Variants in ZNF385D observed in about 807,000 individuals in gnomAD.
ZNF385D encodes zinc finger protein 385D, also known as zinc finger protein 659.
In ZNF385D, 15 loss-of-function variants were observed where a neutral mutation model predicts 35.8. That is an observed-to-expected ratio of 0.42 (90% CI 0.28 to 0.64). ZNF385D has a LOEUF of 0.64. Among genes scored for constraint, ZNF385D ranks in the 30% least tolerant of loss-of-function variants. ZNF385D has a pLI of 0.23. For synonymous variants in ZNF385D, 212 were observed against 186.8 expected, an observed-to-expected ratio of 1.13 and a Z score of -1.10; for missense variants, 474 against 494.6, an observed-to-expected ratio of 0.96 and a Z score of 0.39.
chr3:22,274,477 G>A (rs1303661415), intron 2 of ZNF385D, among the ~76,000 whole-genome samples: 1 of 151,864 alleles, frequency 6.6e-6, no homozygotes, highest in African/African-American at 2.4e-5. Context: ...TAGGCTCTGA[G>A]GAAGCATGGA....
intron 3 of ZNF385D, among the ~76,000 whole-genome samples, chr3:21,994,652 A>G (rs868499126): frequency 2.0e-5 from 3 of 152,184 alleles, no homozygotes; most frequent in African/African-American, 7.2e-5. Flanking sequence ...CATATCTGAT[A>G]TAAGTCACTT....
intron 3 of ZNF385D, among the ~76,000 whole-genome samples, chr3:21,866,825 T>C (rs1351854094): frequency 6.6e-6 from 1 of 152,160 alleles, no homozygotes; most frequent in African/African-American, 2.4e-5. Context: ...AATCATCAGG[T>C]AGTGATTAAA....
At chr3:21,962,708 AT>A (rs1434634969) in intron 3 of ZNF385D, among the ~76,000 whole-genome samples, 2 of 152,042 alleles carry the variant, frequency 1.3e-5, no homozygotes, top group Non-Finnish European at 2.9e-5. Flanking sequence ...GTGGAAAGGT[AT>A]TTTTTTGGAA....
intron 3 of ZNF385D, among the ~76,000 whole-genome samples, chr3:22,056,921 C>G (rs1576235811): frequency 6.6e-6 from 1 of 152,192 alleles, no homozygotes; most frequent in Non-Finnish European, 1.5e-5. Context: ...ATCATAAAGT[C>G]TCTAATCACA....
rs566343930 is a variant in ZNF385D, at chr3:22,032,319, C to G, written c.325+136498G>C. 5.3e-5 allele frequency among the ~76,000 whole-genome samples: 8 copies of G among 152,168 alleles called. No homozygotes were observed. In the South Asian group the frequency reaches 1.7e-3, roughly 32 times the overall value. ...GGAAACTTGCAATTGTGGTGGAAGGCAAAGGAAAAGCAAGTACTTCTTGAC... is the reference window on the plus strand; with the variant it reads ...GGAAACTTGCAATTGTGGTGGAAGGGAAAGGAAAAGCAAGTACTTCTTGAC... On this transcript the variant is annotated intron_variant, in intron 3 of 5. Transcript: ENST00000494108.
chr3:21,526,850 C>G (rs944443525), intron 3 of ZNF385D, among the ~76,000 whole-genome samples: 1 of 152,206 alleles, frequency 6.6e-6, no homozygotes, highest in Non-Finnish European at 1.5e-5. Flanking sequence ...CTTCACCCAT[C>G]TGACGCGATC....
chr3:21,886,922 G>T (rs1698577240), intron 3 of ZNF385D, among the ~76,000 whole-genome samples: 1 of 152,030 alleles, frequency 6.6e-6, no homozygotes, highest in Admixed American at 6.6e-5. Flanking sequence ...ATTCATATGG[G>T]TCGGCCAAAT....
intron 2 of ZNF385D, among the ~76,000 whole-genome samples, chr3:22,336,244 T>C (rs566350904): frequency 1.3e-5 from 2 of 152,300 alleles, no homozygotes; most frequent in South Asian, 4.1e-4. Context: ...TCCATTATGA[T>C]ATAATGTTAA....
At chr3:22,264,044 A>G (rs915812247) in intron 2 of ZNF385D, among the ~76,000 whole-genome samples, 3 of 152,032 alleles carry the variant, frequency 2.0e-5, no homozygotes, top group Non-Finnish European at 4.4e-5. Flanking sequence ...GAATATAAAT[A>G]TATAAAACCC....
At chr3:21,906,799 G>T (rs1699706288) in intron 3 of ZNF385D, among the ~76,000 whole-genome samples, 1 of 152,182 alleles carries the variant, frequency 6.6e-6, no homozygotes, top group African/African-American at 2.4e-5. Flanking sequence ...GGTATGACCA[G>T]GTGAGATAAC....
chr3:22,299,993 G>C (rs868734092), intron 2 of ZNF385D, among the ~76,000 whole-genome samples: 4 of 151,720 alleles, frequency 2.6e-5, no homozygotes, highest in Non-Finnish European at 4.4e-5. Context: ...AGACCCCAAA[G>C]AGCCAAAGCA....
intron 3 of ZNF385D, among the ~76,000 whole-genome samples, chr3:21,970,366 T>G (rs934311129): frequency 6.6e-6 from 1 of 151,144 alleles, no homozygotes; most frequent in Non-Finnish European, 1.5e-5. Context: ...AAAAATAGAT[T>G]AAAATAATTT....
chr3:22,165,822 G>A (rs768375177), intron 3 of ZNF385D, among the ~76,000 whole-genome samples: 5 of 152,022 alleles, frequency 3.3e-5, no homozygotes, highest in East Asian at 1.9e-4. Context: ...CACAGGCCAG[G>A]GTCCTTAGAA....
intron 3 of ZNF385D, among the ~76,000 whole-genome samples, chr3:21,821,752 G>A (rs1331289347): frequency 1.3e-5 from 2 of 152,044 alleles, no homozygotes; most frequent in Admixed American, 6.5e-5. Context: ...TGTCAGCTCA[G>A]GAGTTCGAGA....
chr3:22,123,035 C>T (rs140518784), intron 3 of ZNF385D, among the ~76,000 whole-genome samples: 221 of 152,188 alleles, frequency 1.5e-3, no homozygotes, highest in African/African-American at 4.4e-3. Context: ...GGAGGACAAC[C>T]ATGACATTCT....
At chr3:21,692,215 G>A (rs1405539555) in intron 1 of ZNF385D, among the ~76,000 whole-genome samples, 1 of 152,118 alleles carries the variant, frequency 6.6e-6, no homozygotes, top group East Asian at 1.9e-4. Context: ...AAGACCCTGA[G>A]GTTTAGGGAG....
chr3:22,093,779 G>A (rs1487859597), intron 3 of ZNF385D, among the ~76,000 whole-genome samples: 1 of 152,032 alleles, frequency 6.6e-6, no homozygotes, highest in Non-Finnish European at 1.5e-5. Flanking sequence ...AATTCCCACA[G>A]TTGTTTAGCA....
At chr3:21,623,386 T>G (rs2065058085) in intron 2 of ZNF385D, among the ~76,000 whole-genome samples, 1 of 152,112 alleles carries the variant, frequency 6.6e-6, no homozygotes, top group African/African-American at 2.4e-5. Flanking sequence ...CTCACACCTT[T>G]AATCCTAGTG....
At chr3:22,250,054 C>G (rs1271403785) in intron 2 of ZNF385D, among the ~76,000 whole-genome samples, 1 of 152,016 alleles carries the variant, frequency 6.6e-6, no homozygotes, top group Non-Finnish European at 1.5e-5. Context: ...TGTAATGGAG[C>G]CTATTTCTAG....
Sources: allele counts gnomAD v4.1 joint callset (sites outside exome capture counted in the v4.1 genomes callset), GRCh38; gene constraint gnomAD v4.1.1; transcripts MANE v1.5; gene names NCBI Gene and HGNC (gene_info 2026-07-23, HGNC 2026-07-21).